The following UNC13C variants were observed in gnomAD, a reference collection of about 807,000 sequenced individuals.
The protein encoded by UNC13C is unc-13 homolog C.
Under a neutral mutation model 245.4 loss-of-function variants are expected in UNC13C, and 174 were observed. That is an observed-to-expected ratio of 0.71 (90% CI 0.63 to 0.80). The LOEUF is 0.80. Among genes scored for constraint, UNC13C ranks in the 30% least tolerant of loss-of-function variants. The pLI is 0.00. For missense variants in UNC13C, 2,829 were observed against 2,602.9 expected, an observed-to-expected ratio of 1.09 and a Z score of -1.89; for synonymous variants, 992 against 895.1, an observed-to-expected ratio of 1.11 and a Z score of -1.93.
chr15:54,223,708 G>T (rs2035293665), intron 4 of UNC13C, among the ~76,000 whole-genome samples: 1 of 151,904 alleles, frequency 6.6e-6, no homozygotes, highest in Non-Finnish European at 1.5e-5. Flanking sequence ...TATTAAATCT[G>T]TAGATTGCTT....
chr15:54,288,526 A>G (rs747573783), intron 10 of UNC13C, among the ~76,000 whole-genome samples: 2 of 151,444 alleles, frequency 1.3e-5, no homozygotes, highest in African/African-American at 2.4e-5. Flanking sequence ...CTGTGAGTGC[A>G]GGGACCCAGG....
In UNC13C at chr15:54,013,911, C is replaced by T. The variant is rs1897041; in HGVS notation, c.1008C>T (p.Ser336=). The T allele has an allele frequency of 3.4e-4, 554 of 1,612,828 alleles. 1 individual carries two copies. The highest frequency in any genetic ancestry group is 1.2e-3 in the African/African-American group (91 of 74,910). Residue 336 remains serine (S), a synonymous_variant, in exon 2 of 33, where the codon AGC becomes AGT. Coordinates refer to ENST00000260323, the MANE Select transcript of UNC13C (RefSeq NM_001080534.3). ...VTEERFEYVE[S]VVYQILIDKM... is the part of the protein sequence containing the mutation. ...AAGAAAGATTTGAATATGTTGAAAGCGTGGTGTACCAAATTCTAATAGATA... is the reference window on the plus strand; with the variant it reads ...AAGAAAGATTTGAATATGTTGAAAGTGTGGTGTACCAAATTCTAATAGATA...
intron 19 of UNC13C, among the ~76,000 whole-genome samples, chr15:54,436,096 G>A (rs1374856579): frequency 1.3e-5 from 2 of 152,016 alleles, no homozygotes; most frequent in African/African-American, 2.4e-5. Flanking sequence ...AGATGCTGGA[G>A]AGGATGTGGA....
upstream of UNC13C, among the ~76,000 whole-genome samples, chr15:53,973,775 G>T (rs573800305): frequency 2.6e-5 from 4 of 152,054 alleles, 1 homozygote; most frequent in Admixed American, 1.3e-4. Context: ...TATAGATGCC[G>T]TCCCACCAAA....
At chr15:54,068,809 TC>T (rs1356277397) in intron 2 of UNC13C, among the ~76,000 whole-genome samples, 1 of 152,206 alleles carries the variant, frequency 6.6e-6, no homozygotes, top group East Asian at 1.9e-4. Context: ...CTTTTCTTTT[TC>T]CTCTTAACAC....
At chr15:53,931,460 C>T in the UNC13C span, among the ~76,000 whole-genome samples, 188 of 152,108 alleles carry the variant, frequency 1.2e-3, no homozygotes, top group Middle Eastern at 6.8e-3. Context: ...TGAGCCATTG[C>T]GCTTGGCCTT....
chr15:54,576,992 T>G (rs1897981872), intron 30 of UNC13C, among the ~76,000 whole-genome samples: 2 of 152,226 alleles, frequency 1.3e-5, no homozygotes, highest in Admixed American at 1.3e-4. Context: ...TTTGAATGTA[T>G]GTGATTACAG....
chr15:54,008,066 T>G (rs1398357812), intron 1 of UNC13C, among the ~76,000 whole-genome samples: 1 of 152,258 alleles, frequency 6.6e-6, no homozygotes, highest in Non-Finnish European at 1.5e-5. Context: ...GAAAATGCTT[T>G]AACTTAATTC....
At chr15:54,506,080 A>G (rs942353095) in intron 22 of UNC13C, among the ~76,000 whole-genome samples, 2 of 152,178 alleles carry the variant, frequency 1.3e-5, no homozygotes, top group African/African-American at 4.8e-5. Flanking sequence ...CAGCTGTAGG[A>G]TGTAGGGGAA....
Position 54,331,142 on chromosome 15 carries a change from C to T in UNC13C, c.4426-901C>T, listed in dbSNP as rs148274558. 4.5e-3 allele frequency among the ~76,000 whole-genome samples: 690 copies of T among 152,172 alleles called. 8 individuals carry two copies. Among genetic ancestry groups the T allele is most frequent in the African/African-American group, 0.016 (652 of 41,544 alleles). On this transcript the variant is annotated intron_variant, in intron 14 of 32. Coordinates refer to ENST00000260323, the MANE Select transcript of UNC13C (RefSeq NM_001080534.3). ...AAAAGCTTTCATTTTTGTCAATATC[C>T]TCCAAAGTGCAATTTGGTGTTTACA... is the stretch of plus-strand genomic sequence containing the variant.
chr15:54,212,242 A>C (rs2034902575), intron 4 of UNC13C, among the ~76,000 whole-genome samples: 1 of 152,122 alleles, frequency 6.6e-6, no homozygotes, highest in African/African-American at 2.4e-5. Flanking sequence ...ACTGCTGAGG[A>C]GAGATCCATG....
At chr15:54,306,534 C>T (rs902833336) in intron 13 of UNC13C, among the ~76,000 whole-genome samples, 1 of 151,830 alleles carries the variant, frequency 6.6e-6, no homozygotes, top group African/African-American at 2.4e-5. Flanking sequence ...TGTGTATGTT[C>T]CTAATAGTGT....
chr15:53,889,436 T>C, the UNC13C span, among the ~76,000 whole-genome samples: 80 of 152,208 alleles, frequency 5.3e-4, no homozygotes, highest in African/African-American at 1.9e-3. Flanking sequence ...TGCTTATGAG[T>C]TTAAGGAGAT....
In UNC13C at chr15:54,293,879, C is replaced by T. The variant is rs2037364367; in HGVS notation, c.3819-16C>T. 2 of 1,517,072 alleles carry T rather than the reference C, an allele frequency of 1.3e-6. No individual in the cohort carries two copies. The highest frequency in any genetic ancestry group is 2.4e-5 in the East Asian group (1 of 41,162). The allele number at this position is 1,517,072 out of a possible 1,614,324, so 94.0% of individuals were successfully genotyped here. A position where few individuals can be genotyped will look rare whatever the true frequency, so the allele number is the denominator to read the frequency against. ...CAGTTTTCAATTGTTGTTAACTTAT[C>T]CACATTTATTTTCAGTGAGTGTCAT... On this transcript the variant is annotated splice_polypyrimidine_tract_variant and intron_variant, in intron 10 of 32. Coordinates refer to ENST00000260323, the MANE Select transcript of UNC13C (RefSeq NM_001080534.3).
intron 1 of UNC13C, among the ~76,000 whole-genome samples, chr15:53,995,465 G>T (rs12913469): frequency 8.3e-6 from 1 of 120,580 alleles, no homozygotes; most frequent in Admixed American, 8.1e-5. Context: ...TTCTTTGCCC[G>T]CCCACCCCAC....
intron 2 of UNC13C, among the ~76,000 whole-genome samples, chr15:54,028,794 T>A (rs1293002712): frequency 2.1e-5 from 3 of 142,392 alleles, no homozygotes; most frequent in Non-Finnish European, 4.5e-5. Flanking sequence ...GGGTTCACAC[T>A]CTTCTCCTGC....
At chr15:54,507,465 A>C (rs2141110393) in intron 23 of UNC13C, among the ~76,000 whole-genome samples, 1 of 152,200 alleles carries the variant, frequency 6.6e-6, no homozygotes, top group South Asian at 2.1e-4. Context: ...AAATAAACAT[A>C]CTCATAAAAT....
chr15:54,423,691 G>T (rs570903263), intron 19 of UNC13C, among the ~76,000 whole-genome samples: 15 of 151,818 alleles, frequency 9.9e-5, no homozygotes, highest in Non-Finnish European at 1.8e-4. Context: ...AGAAAATAAA[G>T]TTGGTATTGG....
At chr15:53,895,342 T>C in the UNC13C span, among the ~76,000 whole-genome samples, 1 of 98,610 alleles carries the variant, frequency 1.0e-5, no homozygotes, top group African/African-American at 4.1e-5. Flanking sequence ...TGAGATTTCA[T>C]CTCAAAAAAA....
Sources: allele counts gnomAD v4.1 joint callset (sites outside exome capture counted in the v4.1 genomes callset), GRCh38; gene constraint gnomAD v4.1.1; transcripts MANE v1.5; gene names NCBI Gene and HGNC (gene_info 2026-07-23, HGNC 2026-07-21).